Variants in LRBA observed in about 807,000 individuals in gnomAD.
LRBA encodes LPS responsive beige-like anchor protein, also known as lipopolysaccharide-responsive and beige-like anchor protein.
In LRBA, 176 loss-of-function variants were observed where a neutral mutation model predicts 330.0. The observed-to-expected ratio is 0.53, with a 90% CI of 0.47 to 0.60. The LOEUF (loss-of-function observed/expected upper bound fraction) is 0.60. Among genes scored for constraint, LRBA ranks in the 20% least tolerant of loss-of-function variants. LRBA has a pLI of 0.00. For missense variants in LRBA, 3,259 were observed against 3,444.8 expected, an observed-to-expected ratio of 0.95 and a Z score of 1.35; for synonymous variants, 1,230 against 1,193.0, an observed-to-expected ratio of 1.03 and a Z score of -0.64.
chr4:150,754,976 T>C (rs1734095472), intron 35 of LRBA, among the ~76,000 whole-genome samples: 1 of 152,196 alleles, frequency 6.6e-6, no homozygotes, highest in African/African-American at 2.4e-5. Flanking sequence ...AATACCTTTG[T>C]CTTTTTATCA....
In LRBA at chr4:150,436,832, T is replaced by C; in HGVS notation, c.6813A>G (p.Ala2271=). 1 of 1,613,874 alleles carries C rather than the reference T, an allele frequency of 6.2e-7. No individual in the cohort carries two copies. The highest frequency in any genetic ancestry group is 8.5e-7 in the Non-Finnish European group (1 of 1,179,876). Residue 2271 remains alanine (A), a synonymous_variant, in exon 45 of 57, where the codon GCA becomes GCG. Transcript: ENST00000651943. Reference sequence around the variant, plus strand: ...ATGATTCATAACGCTCAGCGAAGAATGCTGCTCTTTTTGGGTTCAGAGCTC... The same window carrying C: ...ATGATTCATAACGCTCAGCGAAGAACGCTGCTCTTTTTGGGTTCAGAGCTC... ...PIGALNPKRA[A]FFAERYESWE...
intron 47 of LRBA, among the ~76,000 whole-genome samples, chr4:150,414,924 A>G (rs1747518759): frequency 6.6e-6 from 1 of 152,276 alleles, no homozygotes; most frequent in Non-Finnish European, 1.5e-5. Context: ...GACACTAAAG[A>G]ATCCACTAAA....
Position 150,475,731 on chromosome 4 carries a change from T to A in LRBA, c.6552-3992A>T, listed in dbSNP as rs1456467645. ...GCAACATAGGAAGACCCTATCTCTA[T>A]AAAAAAAAAAAAAAATCAAAATATT... On this transcript the variant is annotated intron_variant, in intron 42 of 56. Coordinates refer to ENST00000651943, the MANE Select transcript of LRBA (RefSeq NM_001364905.1). 1.4e-3 allele frequency among the ~76,000 whole-genome samples: 189 copies of A among 133,188 alleles called. 2 individuals carry two copies. In the East Asian group the frequency reaches 0.028, roughly 20 times the overall value. 87.4% of individuals were successfully genotyped at this position (133,188 alleles called of 152,430 possible).
intron 37 of LRBA, among the ~76,000 whole-genome samples, chr4:150,614,527 T>C (rs1775579612): frequency 6.6e-6 from 1 of 152,182 alleles, no homozygotes; most frequent in African/African-American, 2.4e-5. Flanking sequence ...TGATACAAGG[T>C]AGGCAATAAA....
intron 35 of LRBA, among the ~76,000 whole-genome samples, chr4:150,754,522 A>AG (rs1734014352): frequency 2.0e-5 from 1 of 48,824 alleles, no homozygotes; most frequent in Non-Finnish European, 5.5e-5. Flanking sequence ...CTGTCTCACC[A>AG]AAAAAAAAAA....
chr4:150,890,554 A>C (rs1729355454), intron 17 of LRBA, among the ~76,000 whole-genome samples: 1 of 152,238 alleles, frequency 6.6e-6, no homozygotes, highest in Non-Finnish European at 1.5e-5. Flanking sequence ...TTAGAAAAAG[A>C]GGAGATAGAT....
intron 56 of LRBA, among the ~76,000 whole-genome samples, chr4:150,275,814 G>C (rs745730784): frequency 1.3e-5 from 2 of 152,218 alleles, no homozygotes; most frequent in Non-Finnish European, 2.9e-5. Flanking sequence ...CATGCTCATG[G>C]ATAGGAAGAA....
chr4:150,915,090 A>C (rs1292901414), intron 8 of LRBA, among the ~76,000 whole-genome samples: 2 of 152,114 alleles, frequency 1.3e-5, no homozygotes, highest in Non-Finnish European at 2.9e-5. Context: ...AAGAGGAGTT[A>C]ATGGTGTGTG....
intron 33 of LRBA, among the ~76,000 whole-genome samples, chr4:150,803,299 T>C (rs986568015): frequency 6.6e-6 from 1 of 151,782 alleles, no homozygotes; most frequent in Non-Finnish European, 1.5e-5. Context: ...TGACATGACA[T>C]CTAAGATAGT....
intron 37 of LRBA, among the ~76,000 whole-genome samples, chr4:150,669,279 T>TA (rs1296714466): frequency 6.6e-6 from 1 of 152,222 alleles, no homozygotes; most frequent in Non-Finnish European, 1.5e-5. Flanking sequence ...TCTAATGTTA[T>TA]AATCTTATAT....
intron 40 of LRBA, among the ~76,000 whole-genome samples, chr4:150,563,738 T>A (rs994863514): frequency 2.0e-5 from 3 of 151,908 alleles, no homozygotes; most frequent in Admixed American, 6.6e-5. Flanking sequence ...TATATACCAA[T>A]AACAGACAAA....
intron 2 of LRBA, among the ~76,000 whole-genome samples, chr4:150,945,518 G>A (rs1210287248): frequency 6.6e-6 from 1 of 152,168 alleles, no homozygotes; most frequent in Non-Finnish European, 1.5e-5. Context: ...TCAGAGATAA[G>A]TGAAACTGCA....
chr4:150,899,214 A>C (rs896934022), intron 14 of LRBA, among the ~76,000 whole-genome samples: 1 of 152,212 alleles, frequency 6.6e-6, no homozygotes, highest in Admixed American at 6.6e-5. Flanking sequence ...AGAGACTAAA[A>C]GAGACTTTCA....
chr4:150,329,786 TAG>T (rs1162140603), intron 48 of LRBA, among the ~76,000 whole-genome samples: 2 of 152,240 alleles, frequency 1.3e-5, no homozygotes, highest in Non-Finnish European at 2.9e-5. Flanking sequence ...AGTCAAGAAT[TAG>T]ATTCTTCTGA....
intron 46 of LRBA, among the ~76,000 whole-genome samples, chr4:150,431,567 A>C (rs1414914207): frequency 1.3e-5 from 2 of 152,234 alleles, no homozygotes; most frequent in Non-Finnish European, 2.9e-5. Context: ...AGTATCAAAA[A>C]ATGTAAAATA....
chr4:150,861,570 G>C (rs1177191535), intron 22 of LRBA, among the ~76,000 whole-genome samples: 1 of 152,140 alleles, frequency 6.6e-6, no homozygotes, highest in African/African-American at 2.4e-5. Flanking sequence ...AAAACTAGAA[G>C]TTGCCCTGGG....
intron 31 of LRBA, among the ~76,000 whole-genome samples, chr4:150,809,857 TACGATACGATA>T (rs1473214087): frequency 5.9e-4 from 8 of 13,472 alleles, no homozygotes; most frequent in Admixed American, 5.8e-3. Context: ...TAAAATACGA[TACGATACGATA>T]CGATACGATA....
chr4:150,443,874 T>TATATATATATA (rs1561185911), intron 44 of LRBA, among the ~76,000 whole-genome samples: 8 of 28,030 alleles, frequency 2.9e-4, no homozygotes, highest in Non-Finnish European at 4.8e-4. Flanking sequence ...ATATATATAT[T>TATATATATATA]TTTTTTTTTT....
intron 40 of LRBA, among the ~76,000 whole-genome samples, chr4:150,554,590 GAATC>G (rs1767048790): frequency 6.6e-6 from 1 of 151,948 alleles, no homozygotes; most frequent in South Asian, 2.1e-4. Flanking sequence ...TGACAATAAA[GAATC>G]AATCACAACT....
Sources: allele counts gnomAD v4.1 joint callset (sites outside exome capture counted in the v4.1 genomes callset), GRCh38; gene constraint gnomAD v4.1.1; transcripts MANE v1.5; gene names NCBI Gene and HGNC (gene_info 2026-07-23, HGNC 2026-07-21).